The following OSBP2 variants were observed in gnomAD, a reference collection of about 807,000 sequenced individuals.
OSBP2 encodes oxysterol binding protein 2.
A neutral mutation model predicts 96.0 loss-of-function variants in OSBP2; 66 were observed. That is an observed-to-expected ratio of 0.69 (90% CI 0.56 to 0.84). The LOEUF (loss-of-function observed/expected upper bound fraction) is 0.84, where lower values mean the gene tolerates loss of function less well. Among genes scored for constraint, OSBP2 ranks in the 40% least tolerant of loss-of-function variants. The pLI, the probability that OSBP2 is intolerant of heterozygous loss-of-function variation, is 0.00. For missense variants in OSBP2, 1,038 were observed against 1,222.7 expected (o/e 0.85, Z 2.25); for synonymous variants, 525 against 520.9 (o/e 1.01, Z -0.11).
At chr22:30,798,657 C>G (rs2090800176) in intron 2 of OSBP2, among the ~76,000 whole-genome samples, 1 of 152,222 alleles carries the variant, frequency 6.6e-6, no homozygotes, top group Non-Finnish European at 1.5e-5. Flanking sequence ...ACACTTTTCA[C>G]AGCAACATTT....
chr22:30,731,682 G>C (rs767756184), intron 1 of OSBP2: 1 of 154,648 alleles, frequency 6.5e-6, no homozygotes, highest in Non-Finnish European at 1.5e-5. Flanking sequence ...GGGAATCTCC[G>C]TTTTCCTTGG....
Position 30,871,702 on chromosome 22 carries a change from G to A in OSBP2, c.1107+1020G>A, listed in dbSNP as rs2039463284. On this transcript the variant is annotated intron_variant, in intron 3 of 13. Transcript: ENST00000332585. The surrounding 1 kb of genome is among the most constrained non-coding windows in gnomAD (Gnocchi z 4.7). The stretch of plus-strand genomic sequence containing the variant: ...AAACTAGGAGGTTAGACCAGGGCCG[G>A]ACTGGGAGCTGGGACCAAGCTCCAG... Among the ~76,000 whole-genome samples the A allele has an allele frequency of 6.6e-6, 1 of 152,218 alleles. No individual in the cohort carries two copies. The highest frequency in any genetic ancestry group is 2.1e-4 in the South Asian group (1 of 4,832).
chr22:30,751,547 G>A (rs1366207559), intron 2 of OSBP2, among the ~76,000 whole-genome samples: 1 of 152,004 alleles, frequency 6.6e-6, no homozygotes, highest in Admixed American at 6.6e-5. Flanking sequence ...TAGAGACGGG[G>A]TTTTGCCATG....
chr22:30,861,290 G>A (rs1459308871), intron 2 of OSBP2, among the ~76,000 whole-genome samples: 1 of 152,176 alleles, frequency 6.6e-6, no homozygotes, highest in Non-Finnish European at 1.5e-5. Flanking sequence ...GCGGGCCTGG[G>A]TGCCCCATCC....
intron 2 of OSBP2, among the ~76,000 whole-genome samples, chr22:30,817,423 G>C (rs1416555329): frequency 6.6e-6 from 1 of 152,260 alleles, no homozygotes; most frequent in Non-Finnish European, 1.5e-5. Flanking sequence ...GTTGAGGGCT[G>C]TGGCCAACTT....
At chr22:30,772,660 G>A (rs1175944031) in intron 2 of OSBP2, among the ~76,000 whole-genome samples, 1 of 152,202 alleles carries the variant, frequency 6.6e-6, no homozygotes. Context: ...CTGAGGTCTG[G>A]GTTTCCCTCT....
intron 2 of OSBP2, among the ~76,000 whole-genome samples, chr22:30,767,885 C>T (rs1417818582): frequency 2.0e-5 from 3 of 152,020 alleles, no homozygotes; most frequent in East Asian, 1.9e-4. Context: ...GGGTGAGGGG[C>T]GTGGGTTGGG....
chr22:30,904,120 G>C (rs1353335639), intron 12 of OSBP2, among the ~76,000 whole-genome samples: 2 of 152,184 alleles, frequency 1.3e-5, no homozygotes, highest in East Asian at 1.9e-4. Context: ...GGAGCAGTTG[G>C]GGGGTGGCTG....
At chr22:30,766,738 A>C (rs915762242) in intron 2 of OSBP2, among the ~76,000 whole-genome samples, 2 of 152,176 alleles carry the variant, frequency 1.3e-5, no homozygotes, top group Non-Finnish European at 2.9e-5. Context: ...CGGGACAGGA[A>C]GCTAGACTCA....
chr22:30,696,972 A>G (rs1346875423), intron 1 of OSBP2, among the ~76,000 whole-genome samples: 2 of 151,924 alleles, frequency 1.3e-5, no homozygotes, highest in South Asian at 4.2e-4. Context: ...CTGTCTTACA[A>G]ATGAGGAGTT....
intron 2 of OSBP2, among the ~76,000 whole-genome samples, chr22:30,825,618 G>A (rs952749874): frequency 6.6e-6 from 1 of 152,206 alleles, no homozygotes; most frequent in Non-Finnish European, 1.5e-5. Flanking sequence ...GTGCACTTAT[G>A]TGTATATGCA....
Position 30,728,271 on chromosome 22 carries a change from C to G in OSBP2, c.645-12890C>G, listed in dbSNP as rs1279352855. ...ATTAGCCAGATGTGGTGGTGGGTGCCTGTGGTCCCAGCACTCGGGAGGCTG... is the reference window on the plus strand; with the variant it reads ...ATTAGCCAGATGTGGTGGTGGGTGCGTGTGGTCCCAGCACTCGGGAGGCTG... On this transcript the variant is annotated intron_variant, in intron 1 of 13. Transcript: ENST00000332585. Among the ~76,000 whole-genome samples the G allele has an allele frequency of 2.7e-5, 4 of 150,740 alleles. No homozygotes were observed. The East Asian group carries it at 7.8e-4, about 29-fold the overall frequency.
Position 30,845,365 on chromosome 22 carries a change from G to A in OSBP2, c.854-25064G>A, listed in dbSNP as rs192735299. On this transcript the variant is annotated intron_variant, in intron 2 of 13. Coordinates refer to ENST00000332585, the MANE Select transcript of OSBP2 (RefSeq NM_030758.4). ...TTGATCCTGGGAGGCAGAGGTTGCAGTGAGCTGAGATCGTGCCATTGCACT... is the reference window on the plus strand; with the variant it reads ...TTGATCCTGGGAGGCAGAGGTTGCAATGAGCTGAGATCGTGCCATTGCACT... Among the ~76,000 whole-genome samples the A allele has an allele frequency of 7.8e-3, 1,190 of 152,292 alleles. 12 individuals are homozygous for A. The highest frequency in any genetic ancestry group is 0.031 in the Middle Eastern group (9 of 294).
At chr22:30,829,005 T>C (rs1391224013) in intron 2 of OSBP2, among the ~76,000 whole-genome samples, 2 of 152,100 alleles carry the variant, frequency 1.3e-5, no homozygotes, top group Non-Finnish European at 2.9e-5. Context: ...CCCTGTGCGC[T>C]TGTGGCTGTT....
chr22:30,811,164 A>ACCCCC (rs136249), intron 2 of OSBP2, among the ~76,000 whole-genome samples: 1 of 136,878 alleles, frequency 7.3e-6, no homozygotes, highest in Non-Finnish European at 1.6e-5. Context: ...AGTATACACA[A>ACCCCC]CCCCCCCCCC....
intron 2 of OSBP2, among the ~76,000 whole-genome samples, chr22:30,831,420 G>A (rs1338351959): frequency 1.3e-5 from 2 of 152,136 alleles, no homozygotes; most frequent in African/African-American, 4.8e-5. Flanking sequence ...CATTCTAAAC[G>A]AAGTTGGTTT....
chr22:30,906,439 C>A lies in OSBP2; in HGVS notation c.*100C>A. The A allele has an allele frequency of 1.5e-6, 2 of 1,338,086 alleles. No individual in the cohort carries two copies. The highest frequency in any genetic ancestry group is 3.4e-5 in the South Asian group (2 of 59,072). The allele number at this position is 1,338,086 out of a possible 1,614,324, so 82.9% of individuals were successfully genotyped here. On this transcript the variant is annotated 3_prime_UTR_variant, in exon 14 of 14. Transcript: ENST00000332585. ...TGAATGGTCTTTCTCCCAGCCCATT[C>A]CCAGCCCTTCCTATTTCCTTTCCTA...
intron 2 of OSBP2, among the ~76,000 whole-genome samples, chr22:30,793,130 C>T (rs967851516): frequency 1.3e-5 from 2 of 152,246 alleles, no homozygotes; most frequent in Non-Finnish European, 2.9e-5. Flanking sequence ...TGGCTCACGC[C>T]TGTAATCCCA....
chr22:30,870,171 G>A lies in OSBP2; in HGVS notation c.854-258G>A, dbSNP rs770562758. The stretch of plus-strand genomic sequence containing the variant: ...CCTGCCGCCTCCAAAGCCCAGTCCC[G>A]GCCCTGCCATTCAATCTGGGCTCTC... On this transcript the variant is annotated intron_variant, in intron 2 of 13. Coordinates refer to ENST00000332585, the MANE Select transcript of OSBP2 (RefSeq NM_030758.4). The surrounding 1 kb of genome is among the most constrained non-coding windows in gnomAD (Gnocchi z 4.1). Among the ~76,000 whole-genome samples, 3 of 152,142 alleles carry A rather than the reference G, an allele frequency of 2.0e-5. No homozygotes were observed. The highest frequency in any genetic ancestry group is 3.9e-4 in the East Asian group (2 of 5,168).
Sources: allele counts gnomAD v4.1 joint callset (sites outside exome capture counted in the v4.1 genomes callset), GRCh38; gene constraint gnomAD v4.1.1; non-coding constraint Gnocchi (gnomAD v3.1); transcripts MANE v1.5; gene names NCBI Gene and HGNC (gene_info 2026-07-23, HGNC 2026-07-21).